Variants in PRKN observed in about 807,000 individuals in gnomAD.
PRKN encodes E3 ubiquitin-protein ligase parkin.
PRKN carries 56 observed loss-of-function variants against 59.5 expected under a neutral mutation model. The observed-to-expected ratio is 0.94, with a 90% CI of 0.76 to 1.18. The LOEUF is 1.18. Ranked by LOEUF, PRKN falls within the 50% of genes most tolerant of loss-of-function variation. The probability of loss-of-function intolerance (pLI) is 0.00; values close to 1 mark genes in which losing one functional copy is unlikely to be tolerated. For missense variants in PRKN, 657 were observed against 596.4 expected (o/e 1.10, Z -1.06); for synonymous variants, 250 against 222.1 (o/e 1.13, Z -1.12).
chr6:162,469,991 C>T (rs965505423), intron 1 of PRKN, among the ~76,000 whole-genome samples: 1 of 152,114 alleles, frequency 6.6e-6, no homozygotes, highest in Non-Finnish European at 1.5e-5. Context: ...ACCTGTTTTA[C>T]ACGATCCTAG....
intron 3 of PRKN, among the ~76,000 whole-genome samples, chr6:162,241,784 CA>C (rs1165716375): frequency 6.6e-6 from 1 of 151,992 alleles, no homozygotes; most frequent in Admixed American, 6.6e-5. Context: ...TAGTAATAAT[CA>C]TGAAACTCAG....
At chr6:161,873,660 G>A (rs1227204161) in intron 6 of PRKN, among the ~76,000 whole-genome samples, 1 of 151,738 alleles carries the variant, frequency 6.6e-6, no homozygotes, top group Non-Finnish European at 1.5e-5. Flanking sequence ...TCTGCCAGTT[G>A]AGGCGTTTGA....
intron 7 of PRKN, among the ~76,000 whole-genome samples, chr6:161,744,979 G>A (rs929926005): frequency 2.6e-5 from 4 of 152,176 alleles, no homozygotes; most frequent in Non-Finnish European, 5.9e-5. Flanking sequence ...CCACTTGGTA[G>A]ATGAGAAAGC....
chr6:162,561,535 T>C (rs1351225748), intron 1 of PRKN, among the ~76,000 whole-genome samples: 1 of 151,788 alleles, frequency 6.6e-6, no homozygotes. Flanking sequence ...CCACTTCATA[T>C]CCCTGAAAGA....
rs749153705 is a variant in PRKN at position 161,498,658 on chromosome 6, G to A, written c.1083+50196C>T. Among the ~76,000 whole-genome samples, 1 of 152,044 alleles carries A rather than the reference G, an allele frequency of 6.6e-6. No individual in the cohort carries two copies. On this transcript the variant is annotated intron_variant, in intron 9 of 11. Coordinates refer to ENST00000366898, the MANE Select transcript of PRKN (RefSeq NM_004562.3). This position sits in a 1 kb window ranked among gnomAD's most constrained non-coding sequence, Gnocchi z 4.2. The stretch of plus-strand genomic sequence containing the variant: ...TCCTGAAGGAAGGGCTCCACCTGCC[G>A]ACCCTGATGGAGAACGAGGTCACAT...
rs770150933 is a variant in PRKN, at chr6:161,354,691, G to C, written c.1286-4480C>G. ...CACAGCTGAGTATGTAACAGGCCAC[G>C]AACCTTGGTGACAACCAGGTAACAT... On this transcript the variant is annotated intron_variant, in intron 11 of 11. Transcript: ENST00000366898. This position sits in a 1 kb window ranked among gnomAD's most constrained non-coding sequence, Gnocchi z 6.7. Among the ~76,000 whole-genome samples the C allele has an allele frequency of 6.6e-6, 1 of 152,166 alleles. No homozygotes were observed. Among genetic ancestry groups the C allele is most frequent in the Admixed American group, 6.5e-5 (1 of 15,286 alleles).
intron 1 of PRKN, among the ~76,000 whole-genome samples, chr6:162,471,910 C>T (rs1206254856): frequency 1.3e-5 from 2 of 152,138 alleles, no homozygotes; most frequent in Admixed American, 1.3e-4. Flanking sequence ...TTTGGTCTGT[C>T]CTCCGATTGA....
At position 161,400,754 on chromosome 6, in the gene PRKN, G is replaced by C. The variant is rs1329120945; in HGVS notation, c.1084-13877C>G. On this transcript the variant is annotated intron_variant, in intron 9 of 11. Transcript: ENST00000366898. This position sits in a 1 kb window ranked among gnomAD's most constrained non-coding sequence, Gnocchi z 4.2. The stretch of plus-strand genomic sequence containing the variant: ...TTGAAGAAAAGAGCTGCAGGGGACA[G>C]AAAATCAGTCAAATTAAAGAAAATA... 6.6e-6 allele frequency among the ~76,000 whole-genome samples: 1 copy of C among 152,092 alleles called. No homozygotes were observed. Among genetic ancestry groups the C allele is most frequent in the African/African-American group, 2.4e-5 (1 of 41,382 alleles).
chr6:161,707,490 T>C (rs1041596867), intron 7 of PRKN, among the ~76,000 whole-genome samples: 1 of 152,194 alleles, frequency 6.6e-6, no homozygotes, highest in Non-Finnish European at 1.5e-5. Context: ...CCCACACATA[T>C]GGATGGCTCA....
chr6:161,537,743 G>A (rs774070382), intron 9 of PRKN, among the ~76,000 whole-genome samples: 25 of 152,262 alleles, frequency 1.6e-4, no homozygotes, highest in East Asian at 1.4e-3. Context: ...GAGCCACTGC[G>A]CCCGGCCTCA....
intron 6 of PRKN, among the ~76,000 whole-genome samples, chr6:161,791,127 G>T (rs923936314): frequency 6.6e-6 from 1 of 152,146 alleles, no homozygotes; most frequent in African/African-American, 2.4e-5. Context: ...AGGTTAAAGA[G>T]CGGTAAATTA....
chr6:161,872,234 C>T (rs897323664), intron 6 of PRKN, among the ~76,000 whole-genome samples: 18 of 151,266 alleles, frequency 1.2e-4, no homozygotes, highest in Non-Finnish European at 2.1e-4. Flanking sequence ...GAGTGGGGGT[C>T]CTATTTTTCA....
chr6:162,282,992 C>CT lies in PRKN; in HGVS notation c.172-20228dup, dbSNP rs1332024978. On this transcript the variant is annotated intron_variant, in intron 2 of 11. Transcript: ENST00000366898. ...AGCTTTCCTTTCTTTCTTTCTCTCTCTCTTTTTTTTTTTTGACAGAAAAGA... is the reference window on the plus strand; with the variant it reads ...AGCTTTCCTTTCTTTCTTTCTCTCTCTTCTTTTTTTTTTTTGACAGAAAAGA... 1.9e-4 allele frequency among the ~76,000 whole-genome samples: 29 copies of CT among 150,810 alleles called. No individual in the cohort carries two copies. The South Asian group carries it at 5.7e-3, about 30-fold the overall frequency.
At chr6:162,206,351 C>A (rs1052967923) in intron 3 of PRKN, among the ~76,000 whole-genome samples, 1 of 152,142 alleles carries the variant, frequency 6.6e-6, no homozygotes, top group African/African-American at 2.4e-5. Flanking sequence ...AGTGCAGTCT[C>A]ATCCTCTTCG....
chr6:162,724,540 G>A (rs1039358189), intron 1 of PRKN, among the ~76,000 whole-genome samples: 6 of 152,290 alleles, frequency 3.9e-5, no homozygotes, highest in African/African-American at 1.4e-4. Flanking sequence ...TTTAAATAAA[G>A]TGGCAGAATA....
chr6:161,873,558 C>A (rs1293330761), intron 6 of PRKN, among the ~76,000 whole-genome samples: 3 of 151,558 alleles, frequency 2.0e-5, no homozygotes, highest in African/African-American at 7.3e-5. Flanking sequence ...ACACTGACAG[C>A]CAGAAAAAAA....
intron 2 of PRKN, among the ~76,000 whole-genome samples, chr6:162,403,948 GT>G (rs923518817): frequency 1.3e-5 from 2 of 152,070 alleles, no homozygotes; most frequent in East Asian, 1.9e-4. Context: ...AGGCTTACCT[GT>G]TTTTTTCATG....
chr6:162,181,501 G>T (rs1783803027), intron 4 of PRKN, among the ~76,000 whole-genome samples: 1 of 152,072 alleles, frequency 6.6e-6, no homozygotes, highest in Non-Finnish European at 1.5e-5. Flanking sequence ...ACGGGACAAG[G>T]GAAGGTAATC....
rs1443128605 is a variant in PRKN, at chr6:161,483,286, CT to C, written c.1083+65567del. Among the ~76,000 whole-genome samples, 1 of 151,898 alleles carries C rather than the reference CT, an allele frequency of 6.6e-6. No homozygotes were observed. Among genetic ancestry groups the C allele is most frequent in the African/African-American group, 2.4e-5 (1 of 41,300 alleles). ...GCTATGCATTAATTGACTGAATTGG[CT>C]TTGTATTTCAGGCCAACTCCAAAGC... On this transcript the variant is annotated intron_variant, in intron 9 of 11. Coordinates refer to ENST00000366898, the MANE Select transcript of PRKN (RefSeq NM_004562.3). The surrounding 1 kb of genome is among the most constrained non-coding windows in gnomAD (Gnocchi z 5.0).
Sources: allele counts gnomAD v4.1 joint callset (sites outside exome capture counted in the v4.1 genomes callset), GRCh38; gene constraint gnomAD v4.1.1; non-coding constraint Gnocchi (gnomAD v3.1); transcripts MANE v1.5; gene names NCBI Gene and HGNC (gene_info 2026-07-23, HGNC 2026-07-21).